CDK8: variants seen among roughly 807,000 people sequenced by gnomAD.
CDK8 encodes the protein cyclin dependent kinase 8, also known as cyclin-dependent kinase 8.
CDK8 carries 29 observed loss-of-function variants against 71.5 expected under a neutral mutation model. That is an observed-to-expected ratio of 0.41 (90% CI 0.30 to 0.55). CDK8 has a LOEUF of 0.55. Among genes scored for constraint, CDK8 ranks in the 20% least tolerant of loss-of-function variants. The pLI is 0.37. For synonymous variants in CDK8, 161 were observed against 192.1 expected (o/e 0.84, Z 1.34); for missense variants, 288 against 572.6 (o/e 0.50, Z 5.07).
At chr13:26,354,197 T>C (rs1020302416) in intron 4 of CDK8, among the ~76,000 whole-genome samples, 40 of 152,176 alleles carry the variant, frequency 2.6e-4, no homozygotes, top group Admixed American at 2.4e-3. Flanking sequence ...CTGTAGAAAT[T>C]TATATATTTA....
intron 1 of CDK8, among the ~76,000 whole-genome samples, chr13:26,280,392 G>C (rs185814545): frequency 3.2e-4 from 48 of 152,318 alleles, no homozygotes; most frequent in Admixed American, 5.9e-4. Flanking sequence ...CAAGGATTTG[G>C]TATGCATAGA....
At chr13:26,397,518 G>GT (rs1876053504) in intron 9 of CDK8, among the ~76,000 whole-genome samples, 2 of 151,660 alleles carry the variant, frequency 1.3e-5, no homozygotes, top group African/African-American at 4.9e-5. Context: ...TTTTTCGTCT[G>GT]TTTAAGATTT....
chr13:26,375,004 A>G (rs1874878664), intron 4 of CDK8, among the ~76,000 whole-genome samples: 1 of 152,180 alleles, frequency 6.6e-6, no homozygotes, highest in African/African-American at 2.4e-5. Context: ...GTTTAATAGG[A>G]AATGAGCTAT....
In CDK8 at chr13:26,255,467, TTAAA is replaced by T. The variant is rs372266138; in HGVS notation, c.128+702_128+705del. On this transcript the variant is annotated intron_variant, in intron 1 of 12. Coordinates refer to ENST00000381527, the MANE Select transcript of CDK8 (RefSeq NM_001260.3). ...CAAATTTAGCGGCTGGCAGTGAACT[TTAAA>T]TAATCCCTTTGCTTTAAATATTCTT... 2.1e-4 allele frequency among the ~76,000 whole-genome samples: 32 copies of T among 152,316 alleles called. No homozygotes were observed. The East Asian group carries it at 5.2e-3, about 25-fold the overall frequency.
intron 4 of CDK8, among the ~76,000 whole-genome samples, chr13:26,367,484 T>C (rs1874445100): frequency 6.6e-6 from 1 of 152,150 alleles, no homozygotes; most frequent in Admixed American, 6.5e-5. Flanking sequence ...CACTTAATTG[T>C]GTTACCATGG....
intron 1 of CDK8, among the ~76,000 whole-genome samples, chr13:26,255,992 T>C (rs573192917): frequency 1.3e-5 from 2 of 152,248 alleles, no homozygotes; most frequent in Non-Finnish European, 2.9e-5. Flanking sequence ...ACATTTTTCT[T>C]AGATTTACTG....
rs575164906 is a variant in CDK8, at chr13:26,384,853, C to T, written c.515-358C>T. ...AATGGAAAGCCTTACTCTAACTGAT[C>T]CCATTTCCTGGTGCTTGTGACCAGT... On this transcript the variant is annotated intron_variant, in intron 5 of 12. Coordinates refer to ENST00000381527, the MANE Select transcript of CDK8 (RefSeq NM_001260.3). Among the ~76,000 whole-genome samples the T allele has an allele frequency of 1.1e-4, 16 of 152,282 alleles. No individual in the cohort carries two copies. In the East Asian group the frequency reaches 2.9e-3, roughly 28 times the overall value.
At chr13:26,322,876 A>T (rs1034512124) in intron 1 of CDK8, among the ~76,000 whole-genome samples, 1 of 152,102 alleles carries the variant, frequency 6.6e-6, no homozygotes, top group African/African-American at 2.4e-5. Context: ...AATTTTGTCG[A>T]TTTTATATAT....
At chr13:26,326,999 C>T (rs1304827499) in intron 1 of CDK8, among the ~76,000 whole-genome samples, 1 of 152,132 alleles carries the variant, frequency 6.6e-6, no homozygotes, top group Admixed American at 6.5e-5. Flanking sequence ...AGGAATCTGA[C>T]AAATCTACGT....
At position 26,401,490 on chromosome 13, in the gene CDK8, A is replaced by G; in HGVS notation, c.1135A>G (p.Asn379Asp). The part of the protein sequence containing the change: ...DKKNQQQQQG[N>D]NHTNGTGHPG... ...GAAGAACCAGCAGCAGCAGCAGGGC[A>G]ATAACCACACTAATGGAACTGGCCA... Residue 379 changes from asparagine to aspartate, a missense_variant, in exon 12 of 13, where the codon AAT (asparagine) becomes GAT (aspartate). This residue lies in a region of CDK8 where 96 missense variants were observed against 229.8 expected (regional missense o/e 0.42). Coordinates refer to ENST00000381527, the MANE Select transcript of CDK8 (RefSeq NM_001260.3). The surrounding 1 kb of genome is among the most constrained non-coding windows in gnomAD (Gnocchi z 4.5). 1.2e-6 allele frequency: 2 copies of G among 1,614,184 alleles called. No individual in the cohort carries two copies. The highest frequency in any genetic ancestry group is 1.7e-6 in the Non-Finnish European group (2 of 1,180,018).
chr13:26,349,840 G>T (rs1873613985), intron 3 of CDK8, among the ~76,000 whole-genome samples: 1 of 152,188 alleles, frequency 6.6e-6, no homozygotes, highest in African/African-American at 2.4e-5. Context: ...TTCAGTGGCA[G>T]TAGTTCAATA....
intron 1 of CDK8, among the ~76,000 whole-genome samples, chr13:26,261,804 T>C (rs1172627309): frequency 1.3e-5 from 2 of 152,216 alleles, no homozygotes; most frequent in African/African-American, 4.8e-5. Flanking sequence ...ATGTTTTCAG[T>C]ATATACCTGG....
chr13:26,300,670 A>T lies in CDK8; in HGVS notation c.129-36897A>T, dbSNP rs1462847543. On this transcript the variant is annotated intron_variant, in intron 1 of 12. Coordinates refer to ENST00000381527, the MANE Select transcript of CDK8 (RefSeq NM_001260.3). ...GGTCGTCCAGATATTAGATTAGAGT[A>T]GATACAGGGAAATTTAAGATCCTTG... Among the ~76,000 whole-genome samples, 4 of 152,178 alleles carry T rather than the reference A, an allele frequency of 2.6e-5. No homozygotes were observed. In the East Asian group the frequency reaches 7.7e-4, roughly 29 times the overall value.
At chr13:26,363,333 A>AAAAAAAAAAAAAG (rs1326920843) in intron 4 of CDK8, among the ~76,000 whole-genome samples, 1 of 148,814 alleles carries the variant, frequency 6.7e-6, no homozygotes, top group Non-Finnish European at 1.5e-5. Flanking sequence ...ATCTCAAAAA[A>AAAAAAAAAAAAAG]AAAAAAAAGA....
At chr13:26,317,762 A>G (rs1874580281) in intron 1 of CDK8, among the ~76,000 whole-genome samples, 1 of 152,200 alleles carries the variant, frequency 6.6e-6, no homozygotes, top group Non-Finnish European at 1.5e-5. Flanking sequence ...TGAAAACATA[A>G]CATACCAAAA....
intron 2 of CDK8, among the ~76,000 whole-genome samples, chr13:26,347,193 A>C (rs1412025650): frequency 1.3e-5 from 2 of 152,146 alleles, no homozygotes; most frequent in African/African-American, 4.8e-5. Flanking sequence ...ATAAAATAAC[A>C]TCCTTTTATG....
At chr13:26,393,612 T>G in intron 7 of CDK8, 102 bp downstream of exon 7, 1 of 1,156,230 alleles carries the variant, frequency 8.6e-7, no homozygotes, top group Non-Finnish European at 1.2e-6. Context: ...GAAGCTACTT[T>G]TACTTGAGTC....
rs1306316810 is a variant in CDK8, at chr13:26,405,102, GA to G, written c.*1030del. 6 of 176,508 alleles carry G rather than the reference GA, an allele frequency of 3.4e-5. No homozygotes were observed. Among genetic ancestry groups the G allele is most frequent in the Non-Finnish European group, 7.2e-5 (6 of 83,254 alleles). The allele number at this position is 176,508 out of a possible 1,614,324, so 10.9% of individuals were successfully genotyped here. ...GTAGGAGAGCCTTAGAATTTTTGAG[GA>G]AAAAAAAACCTATAACATACAATGT... On this transcript the variant is annotated 3_prime_UTR_variant, in exon 13 of 13. Coordinates refer to ENST00000381527, the MANE Select transcript of CDK8 (RefSeq NM_001260.3).
At chr13:26,255,045 T>C (rs1210662815) in intron 1 of CDK8, among the ~76,000 whole-genome samples, 1 of 152,116 alleles carries the variant, frequency 6.6e-6, no homozygotes, top group East Asian at 1.9e-4. Flanking sequence ...ATTTCAAAGC[T>C]GATTCATGAA....
Sources: allele counts gnomAD v4.1 joint callset (sites outside exome capture counted in the v4.1 genomes callset), GRCh38; gene constraint gnomAD v4.1.1; regional missense constraint gnomAD v4.1.1; non-coding constraint Gnocchi (gnomAD v3.1); transcripts MANE v1.5; gene names NCBI Gene and HGNC (gene_info 2026-07-23, HGNC 2026-07-21).